NXPE2: variants seen among roughly 807,000 people sequenced by gnomAD.
The protein encoded by NXPE2 is NXPE family member 2.
Under a neutral mutation model 34.4 loss-of-function variants are expected in NXPE2, and 34 were observed. The observed-to-expected ratio is 0.99, with a 90% CI of 0.75 to 1.31. The LOEUF is 1.31. Among genes scored for constraint, NXPE2 ranks in the 40% most tolerant of loss-of-function variants. The pLI, the probability that NXPE2 is intolerant of heterozygous loss-of-function variation, is 0.00. For missense variants in NXPE2, 649 were observed against 672.5 expected, an observed-to-expected ratio of 0.97 and a Z score of 0.39; for synonymous variants, 235 against 231.3, an observed-to-expected ratio of 1.02 and a Z score of -0.15.
the NXPE2 span, among the ~76,000 whole-genome samples, chr11:114,544,074 A>G: frequency 1.3e-5 from 2 of 152,228 alleles, no homozygotes; most frequent in African/African-American, 4.8e-5. Flanking sequence ...TTAATGGAAG[A>G]AATTTTAAAA....
the NXPE2 span, among the ~76,000 whole-genome samples, chr11:114,561,096 T>C: frequency 6.6e-6 from 1 of 152,234 alleles, no homozygotes; most frequent in Non-Finnish European, 1.5e-5. Context: ...TTCATCTCTC[T>C]TTCTAAGCCT....
the NXPE2 span, among the ~76,000 whole-genome samples, chr11:114,750,141 A>G: frequency 1.1e-4 from 16 of 152,202 alleles, no homozygotes; most frequent in Non-Finnish European, 1.9e-4. Flanking sequence ...CGCATCAGGT[A>G]CAGAGGTCCG....
chr11:114,650,081 A>C, the NXPE2 span, among the ~76,000 whole-genome samples: 1 of 152,200 alleles, frequency 6.6e-6, no homozygotes, highest in South Asian at 2.1e-4. Flanking sequence ...TGAGAAAAAA[A>C]ATCCAGGTAA....
the NXPE2 span, among the ~76,000 whole-genome samples, chr11:114,619,440 G>A: frequency 3.4e-5 from 5 of 147,904 alleles, no homozygotes; most frequent in Non-Finnish European, 6.0e-5. Context: ...ACTGTTACCC[G>A]GTGGAGAATA....
At chr11:114,509,125 A>T in the NXPE2 span, among the ~76,000 whole-genome samples, 1 of 152,226 alleles carries the variant, frequency 6.6e-6, no homozygotes, top group African/African-American at 2.4e-5. Flanking sequence ...AAGAAGACAC[A>T]CATGTGGCCA....
the NXPE2 span, among the ~76,000 whole-genome samples, chr11:114,479,886 T>C: frequency 6.6e-6 from 1 of 152,162 alleles, no homozygotes; most frequent in South Asian, 2.1e-4. Flanking sequence ...GACATCCGCT[T>C]CTGACGAGGG....
chr11:114,472,220 C>T, the NXPE2 span, among the ~76,000 whole-genome samples: 242 of 152,256 alleles, frequency 1.6e-3, no homozygotes, highest in Non-Finnish European at 2.1e-3. Context: ...AAACACATAC[C>T]GAGCACAAAC....
chr11:114,589,591 C>G, the NXPE2 span, among the ~76,000 whole-genome samples: 16 of 152,112 alleles, frequency 1.1e-4, no homozygotes, highest in African/African-American at 3.1e-4. Flanking sequence ...ATACTTATAG[C>G]CCCAGGAAAA....
At chr11:114,600,472 C>T in the NXPE2 span, among the ~76,000 whole-genome samples, 4 of 152,192 alleles carry the variant, frequency 2.6e-5, no homozygotes, top group South Asian at 4.1e-4. Context: ...GGGCACATCA[C>T]GTCTATGGTA....
At chr11:114,714,003 A>G in the NXPE2 span, among the ~76,000 whole-genome samples, 10 of 152,356 alleles carry the variant, frequency 6.6e-5, no homozygotes, top group Admixed American at 4.6e-4. Context: ...CATATAAATC[A>G]TTTCCATCTA....
the NXPE2 span, among the ~76,000 whole-genome samples, chr11:114,726,307 T>A: frequency 2.0e-5 from 3 of 152,118 alleles, no homozygotes; most frequent in Non-Finnish European, 4.4e-5. Flanking sequence ...TTATCTTTAG[T>A]TTTCAGTAGT....
chr11:114,787,890 T>C, the NXPE2 span, among the ~76,000 whole-genome samples: 1 of 152,114 alleles, frequency 6.6e-6, no homozygotes, highest in Non-Finnish European at 1.5e-5. Flanking sequence ...GGGACCTCTT[T>C]TCTTTGGGAC....
chr11:114,497,973 A>G, the NXPE2 span, among the ~76,000 whole-genome samples: 5 of 152,242 alleles, frequency 3.3e-5, no homozygotes, highest in East Asian at 9.6e-4. Context: ...TTTTCATTAT[A>G]TAAGATGTTT....
the NXPE2 span, among the ~76,000 whole-genome samples, chr11:114,572,176 CCA>C: frequency 6.6e-6 from 1 of 152,110 alleles, no homozygotes; most frequent in African/African-American, 2.4e-5. Flanking sequence ...GGGGATTAAA[CCA>C]CATCAAGGGA....
the NXPE2 span, among the ~76,000 whole-genome samples, chr11:114,568,473 C>T: frequency 0.023 from 3,342 of 143,984 alleles, 131 homozygotes; most frequent in African/African-American, 0.079. Context: ...TACTGCTCCC[C>T]CCTCCCTTTA....
At chr11:114,590,915 T>G in the NXPE2 span, among the ~76,000 whole-genome samples, 1 of 152,200 alleles carries the variant, frequency 6.6e-6, no homozygotes, top group African/African-American at 2.4e-5. Flanking sequence ...CAGGCTCTGC[T>G]GTTAGAAGGG....
chr11:114,704,657 C>T (rs1951438536), intron 4 of NXPE2, among the ~76,000 whole-genome samples: 1 of 152,162 alleles, frequency 6.6e-6, no homozygotes, highest in African/African-American at 2.4e-5. Flanking sequence ...TTACTCATCA[C>T]CCCTTTTTCA....
the NXPE2 span, among the ~76,000 whole-genome samples, chr11:114,616,959 T>C: frequency 6.8e-6 from 1 of 146,848 alleles, no homozygotes; most frequent in Admixed American, 6.6e-5. Context: ...TATCCACTCT[T>C]ACCCGGTTTA....
the NXPE2 span, among the ~76,000 whole-genome samples, chr11:114,547,483 C>G: frequency 6.6e-6 from 1 of 152,112 alleles, no homozygotes; most frequent in Non-Finnish European, 1.5e-5. Context: ...GCCTGTAATC[C>G]CAGCACTTTG....
Sources: allele counts gnomAD v4.1 joint callset (sites outside exome capture counted in the v4.1 genomes callset), GRCh38; gene constraint gnomAD v4.1.1; transcripts MANE v1.5; gene names NCBI Gene and HGNC (gene_info 2026-07-23, HGNC 2026-07-21).